CPS1: variants seen among roughly 807,000 people sequenced by gnomAD.
The protein encoded by CPS1 is carbamoyl-phosphate synthase [ammonia], mitochondrial.
CPS1 carries 109 observed loss-of-function variants against 174.6 expected under a neutral mutation model. The ratio of observed to expected loss-of-function variants is 0.62; its 90% CI spans 0.53 to 0.73. CPS1 has a LOEUF of 0.73. CPS1 is among the 30% of genes least tolerant of loss of function. The probability of loss-of-function intolerance (pLI) is 0.00; values close to 1 mark genes in which losing one functional copy is unlikely to be tolerated. For synonymous variants in CPS1, 637 were observed against 632.0 expected (o/e 1.01, Z -0.12); for missense variants, 1,689 against 1,821.9 (o/e 0.93, Z 1.33).
chr2:210,482,287 T>C (rs1352497764), intron 1 of CPS1, among the ~76,000 whole-genome samples: 2 of 151,926 alleles, frequency 1.3e-5, no homozygotes, highest in Non-Finnish European at 2.9e-5. Flanking sequence ...ATGAAACTCT[T>C]GTAGACTACG....
At chr2:210,579,610 T>G in intron 4 of CPS1, 104 bp from the exon 5 acceptor site, 1 of 863,876 alleles carries the variant, frequency 1.2e-6, no homozygotes, top group South Asian at 1.3e-5. Context: ...GGAGAAATTA[T>G]TTACTGCTCA....
At position 210,663,100 on chromosome 2, in the gene CPS1, C is replaced by T. The variant is rs750111429; in HGVS notation, c.3928-23C>T. The T allele has an allele frequency of 6.0e-6, 9 of 1,501,184 alleles. No homozygotes were observed. In the African/African-American group the frequency reaches 1.6e-4, roughly 27 times the overall value. 93.0% of individuals were successfully genotyped at this position (1,501,184 alleles called of 1,614,324 possible). ...ACTTTTCCCTCACATAATTTTTCTC[C>T]CTGTTTTTTTTTTTTCCAACAGGCT... is the stretch of plus-strand genomic sequence containing the variant. On this transcript the variant is annotated intron_variant, in intron 32 of 37. Coordinates refer to ENST00000233072, the MANE Select transcript of CPS1 (RefSeq NM_001875.5).
intron 1 of CPS1, among the ~76,000 whole-genome samples, chr2:210,520,039 T>A (rs975253117): frequency 4.6e-5 from 7 of 152,056 alleles, no homozygotes; most frequent in African/African-American, 1.4e-4. Context: ...TTACTTATAT[T>A]TTTAAATCAA....
intron 7 of CPS1, among the ~76,000 whole-genome samples, chr2:210,589,898 T>C (rs961992266): frequency 6.6e-6 from 1 of 151,866 alleles, no homozygotes; most frequent in Non-Finnish European, 1.5e-5. Flanking sequence ...AATTCCCCCC[T>C]ATCTTGAGCT....
intron 20 of CPS1, among the ~76,000 whole-genome samples, chr2:210,614,142 A>G (rs927718833): frequency 2.0e-5 from 3 of 152,112 alleles, no homozygotes; most frequent in Admixed American, 6.6e-5. Context: ...TTTTTGGAAC[A>G]TTAAAGTAAC....
chr2:210,571,277 A>G (rs1697470822), intron 1 of CPS1, among the ~76,000 whole-genome samples: 1 of 151,990 alleles, frequency 6.6e-6, no homozygotes, highest in Admixed American at 6.6e-5. Context: ...GAAATAGATA[A>G]ATCTTTAACT....
At chr2:210,502,734 C>T (rs901677820) in intron 1 of CPS1, among the ~76,000 whole-genome samples, 38 of 152,098 alleles carry the variant, frequency 2.5e-4, no homozygotes, top group African/African-American at 6.5e-4. Context: ...TTCATAGTCT[C>T]GTGACTTTCA....
In CPS1 at chr2:210,658,661, A is replaced by G; in HGVS notation, c.3729A>G (p.Gln1243=). The part of the protein sequence containing the change: ...AFAISGPFNV[Q]FLVKGNDVLV... ...CCATCTCTGGTCCATTCAACGTCCA[A>G]TTTCTTGTCAAAGGAAATGATGTCT... The change falls in exon 31 of 38, where the codon CAA becomes CAG. Residue 1243 remains glutamine, a synonymous_variant. Coordinates refer to ENST00000233072, the MANE Select transcript of CPS1 (RefSeq NM_001875.5). 1 of 1,613,984 alleles carries G rather than the reference A, an allele frequency of 6.2e-7. No individual in the cohort carries two copies. The highest frequency in any genetic ancestry group is 8.5e-7 in the Non-Finnish European group (1 of 1,179,888).
At chr2:210,640,089 C>G in intron 24 of CPS1, 30 bp downstream of exon 24, 10 of 1,310,948 alleles carry the variant, frequency 7.6e-6, no homozygotes, top group Non-Finnish European at 1.1e-5. Context: ...GTATATAGGA[C>G]TTTACACAAT....
At chr2:210,532,144 T>C (rs927896641) in intron 1 of CPS1, among the ~76,000 whole-genome samples, 2 of 152,158 alleles carry the variant, frequency 1.3e-5, no homozygotes, top group Non-Finnish European at 2.9e-5. Flanking sequence ...AAGCATTTCA[T>C]TAGTCTTGAC....
intron 1 of CPS1, among the ~76,000 whole-genome samples, chr2:210,540,408 T>C (rs1696366628): frequency 2.0e-5 from 3 of 152,330 alleles, no homozygotes; most frequent in South Asian, 4.1e-4. Context: ...TATATCTATG[T>C]ATGTATCTAT....
At chr2:210,670,422 GACT>G (rs1464109738) in intron 34 of CPS1, among the ~76,000 whole-genome samples, 2 of 152,034 alleles carry the variant, frequency 1.3e-5, no homozygotes, top group Non-Finnish European at 2.9e-5. Context: ...AAACTTACTT[GACT>G]ACTTCTTAGT....
chr2:210,621,302 T>C (rs1699519871), intron 21 of CPS1, among the ~76,000 whole-genome samples: 1 of 152,126 alleles, frequency 6.6e-6, no homozygotes, highest in Non-Finnish European at 1.5e-5. Flanking sequence ...CGAATACTTG[T>C]TATGTGTATG....
intron 22 of CPS1, among the ~76,000 whole-genome samples, chr2:210,638,171 T>G (rs1213014034): frequency 6.6e-6 from 1 of 152,252 alleles, no homozygotes; most frequent in Non-Finnish European, 1.5e-5. Flanking sequence ...TAAGAAATCC[T>G]TAGTGTAATT....
At chr2:210,609,048 ATC>A (rs1239447888) in intron 19 of CPS1, among the ~76,000 whole-genome samples, 1 of 151,938 alleles carries the variant, frequency 6.6e-6, no homozygotes, top group African/African-American at 2.4e-5. Flanking sequence ...GGACTAGTTC[ATC>A]TCTCAGGATC....
At position 210,637,747 on chromosome 2, in the gene CPS1, G is replaced by T; in HGVS notation, c.2733G>T (p.Gly911=). 1 of 1,614,006 alleles carries T rather than the reference G, an allele frequency of 6.2e-7. No individual in the cohort carries two copies. The highest frequency in any genetic ancestry group is 8.5e-7 in the Non-Finnish European group (1 of 1,179,924). ...EETLKRAKEI[G]FSDKQISKCL... is the part of the protein sequence containing the mutation. Reference sequence around the variant, plus strand: ...CCCTGAAAAGGGCAAAGGAGATTGGGTTCTCAGATAAGCAGATTTCAAAAT... The same window carrying T: ...CCCTGAAAAGGGCAAAGGAGATTGGTTTCTCAGATAAGCAGATTTCAAAAT... Residue 911 remains glycine (G), a synonymous_variant, in exon 22 of 38, where the codon GGG becomes GGT. Transcript: ENST00000233072.
chr2:210,586,437 T>G (rs752625041), intron 6 of CPS1, among the ~76,000 whole-genome samples: 12 of 152,038 alleles, frequency 7.9e-5, no homozygotes, highest in Non-Finnish European at 1.6e-4. Context: ...TAGAGGGTGA[T>G]GATAGATGAT....
intron 21 of CPS1, among the ~76,000 whole-genome samples, chr2:210,622,234 TAAATATC>T (rs1161170430): frequency 6.6e-6 from 1 of 151,636 alleles, no homozygotes; most frequent in African/African-American, 2.4e-5. Context: ...CCTACATACT[TAAATATC>T]AAATATAATA....
chr2:210,649,136 A>G (rs1322088816), intron 27 of CPS1, among the ~76,000 whole-genome samples: 2 of 152,246 alleles, frequency 1.3e-5, no homozygotes, highest in Non-Finnish European at 2.9e-5. Flanking sequence ...AATAAAAGAA[A>G]CACAATTTGC....
Sources: gnomAD v4.1 joint callset for allele counts (sites outside exome capture counted in the v4.1 genomes callset) on GRCh38, gnomAD v4.1.1 for gene constraint, MANE v1.5 for transcripts, NCBI Gene and HGNC (gene_info 2026-07-23, HGNC 2026-07-21) for gene names.